TENM3: variants seen among roughly 807,000 people sequenced by gnomAD.
The protein encoded by TENM3 is teneurin transmembrane protein 3, also known as teneurin-3.
Under a neutral mutation model 255.1 loss-of-function variants are expected in TENM3, and 63 were observed. That is an observed-to-expected ratio of 0.25 (90% CI 0.20 to 0.30). The LOEUF is 0.30. Ranked by LOEUF, TENM3 falls within the 10% of genes least tolerant of loss-of-function variation. TENM3 has a pLI of 1.00. For synonymous variants in TENM3, 1,306 were observed against 1,322.3 expected (o/e 0.99, Z 0.27); for missense variants, 2,929 against 3,461.1 (o/e 0.85, Z 3.86).
chr4:181,452,697 T>C, the TENM3 span, among the ~76,000 whole-genome samples: 1 of 152,124 alleles, frequency 6.6e-6, no homozygotes. Flanking sequence ...TAATACAAAA[T>C]GATAGTTTAA....
At chr4:182,790,941 GACA>G (rs1417874228) in intron 25 of TENM3, among the ~76,000 whole-genome samples, 2 of 152,142 alleles carry the variant, frequency 1.3e-5, no homozygotes, top group African/African-American at 4.8e-5. Flanking sequence ...GATCAGAAAA[GACA>G]ACAGACAGAT....
the TENM3 span, among the ~76,000 whole-genome samples, chr4:181,984,360 A>G: frequency 6.6e-6 from 1 of 152,088 alleles, no homozygotes; most frequent in Non-Finnish European, 1.5e-5. Context: ...TTTACAGAAA[A>G]TGTATGCCTA....
intron 16 of TENM3, among the ~76,000 whole-genome samples, chr4:182,731,712 TG>T (rs1760741755): frequency 1.3e-5 from 2 of 150,274 alleles, no homozygotes; most frequent in Non-Finnish European, 3.0e-5. Context: ...TGTGTGTGTG[TG>T]TGTGTGTGTG....
intron 22 of TENM3, among the ~76,000 whole-genome samples, chr4:182,768,711 A>G (rs1376999631): frequency 1.3e-5 from 2 of 152,206 alleles, no homozygotes; most frequent in Non-Finnish European, 2.9e-5. Context: ...AAGAGATTTA[A>G]AAATATACCA....
rs80196670 is a variant in TENM3 at position 182,252,433 on chromosome 4, G to A, written c.-76+8957G>A. ...AATTTAAATAACGATGTGATTTAGTGTGCAGTTGGCAAATCAGCATACTTA... is the reference window on the plus strand; with the variant it reads ...AATTTAAATAACGATGTGATTTAGTATGCAGTTGGCAAATCAGCATACTTA... On this transcript the variant is annotated intron_variant, in intron 1 of 27. Coordinates refer to ENST00000511685, the MANE Select transcript of TENM3 (RefSeq NM_001080477.4). Among the ~76,000 whole-genome samples, 130 of 152,274 alleles carry A rather than the reference G, an allele frequency of 8.5e-4. 3 individuals carry two copies. The East Asian group carries it at 0.023, about 27-fold the overall frequency.
the TENM3 span, among the ~76,000 whole-genome samples, chr4:181,527,844 C>T: frequency 6.6e-6 from 1 of 151,160 alleles, no homozygotes; most frequent in African/African-American, 2.4e-5. Context: ...ACACATTTGA[C>T]ATTTTACTCT....
chr4:182,755,367 T>A, intron 22 of TENM3, 108 bp downstream of exon 22: 1 of 1,120,934 alleles, frequency 8.9e-7, no homozygotes, highest in Non-Finnish European at 1.2e-6. Context: ...TTTTTGAGAG[T>A]CTAGAGCTTC....
chr4:182,029,290 T>C, the TENM3 span, among the ~76,000 whole-genome samples: 4 of 152,080 alleles, frequency 2.6e-5, no homozygotes, highest in African/African-American at 9.7e-5. Flanking sequence ...CAATCACCTC[T>C]CACCAGGCCC....
chr4:182,562,853 A>C (rs912911226), intron 3 of TENM3, among the ~76,000 whole-genome samples: 2 of 152,140 alleles, frequency 1.3e-5, no homozygotes, highest in Non-Finnish European at 2.9e-5. Context: ...TGTGGGGGTC[A>C]AGGGGCCAGG....
At chr4:182,194,325 C>T (rs1753706797) in intron 1 of TENM3, among the ~76,000 whole-genome samples, 1 of 152,162 alleles carries the variant, frequency 6.6e-6, no homozygotes, top group Non-Finnish European at 1.5e-5. Flanking sequence ...ATCACTGTGG[C>T]ATTCATGCTG....
chr4:182,342,941 GAACA>G (rs200522192), intron 2 of TENM3, among the ~76,000 whole-genome samples: 1 of 152,164 alleles, frequency 6.6e-6, no homozygotes, highest in East Asian at 1.9e-4. Context: ...ATGAGAAAAA[GAACA>G]AATAGCTAAC....
chr4:181,530,363 G>T, the TENM3 span, among the ~76,000 whole-genome samples: 1 of 152,184 alleles, frequency 6.6e-6, no homozygotes, highest in Admixed American at 6.5e-5. Context: ...AGCCATCAGC[G>T]CGTGGAGGTG....
chr4:182,050,425 C>T, the TENM3 span, among the ~76,000 whole-genome samples: 1 of 152,152 alleles, frequency 6.6e-6, no homozygotes, highest in Non-Finnish European at 1.5e-5. Flanking sequence ...ACATCAAATA[C>T]AGTGATTCAT....
the TENM3 span, among the ~76,000 whole-genome samples, chr4:181,642,640 T>TCCA: frequency 6.6e-6 from 1 of 152,182 alleles, no homozygotes; most frequent in African/African-American, 2.4e-5. Flanking sequence ...TTTGAGTTAA[T>TCCA]TTTTGAGTTA....
chr4:182,102,062 G>A, the TENM3 span, among the ~76,000 whole-genome samples: 1 of 152,194 alleles, frequency 6.6e-6, no homozygotes, highest in African/African-American at 2.4e-5. Flanking sequence ...CATAGCCCAG[G>A]CACTCAGGAA....
At chr4:181,717,176 G>A in the TENM3 span, among the ~76,000 whole-genome samples, 9 of 152,078 alleles carry the variant, frequency 5.9e-5, no homozygotes, top group East Asian at 3.9e-4. Context: ...TTTCATTGTC[G>A]AGCCCCTTGC....
chr4:182,455,177 A>G (rs1236000899), intron 3 of TENM3, among the ~76,000 whole-genome samples: 1 of 152,212 alleles, frequency 6.6e-6, no homozygotes, highest in Non-Finnish European at 1.5e-5. Flanking sequence ...TTGATCAGAA[A>G]GGACTTATTT....
At chr4:182,299,632 C>G (rs755564015) in intron 1 of TENM3, among the ~76,000 whole-genome samples, 1 of 152,126 alleles carries the variant, frequency 6.6e-6, no homozygotes, top group Non-Finnish European at 1.5e-5. Context: ...TAGCAGGCAC[C>G]TCAGGATAAT....
the TENM3 span, among the ~76,000 whole-genome samples, chr4:181,721,872 T>C: frequency 6.6e-6 from 1 of 151,894 alleles, no homozygotes; most frequent in South Asian, 2.1e-4. Flanking sequence ...TTAGAAAATA[T>C]AGGATAGGAA....
Sources: allele counts gnomAD v4.1 joint callset (sites outside exome capture counted in the v4.1 genomes callset), GRCh38; gene constraint gnomAD v4.1.1; transcripts MANE v1.5; gene names NCBI Gene and HGNC (gene_info 2026-07-23, HGNC 2026-07-21).